The following PRSS23 variants were observed in gnomAD, a reference collection of about 807,000 sequenced individuals.
PRSS23 encodes the protein protease, serine 23.
In PRSS23, 25 loss-of-function variants were observed where a neutral mutation model predicts 34.7. The ratio of observed to expected loss-of-function variants is 0.72; its 90% CI spans 0.53 to 1.01. The LOEUF (loss-of-function observed/expected upper bound fraction) is 1.01, where lower values mean the gene tolerates loss of function less well. PRSS23 is among the 50% of genes least tolerant of loss of function. The pLI is 0.00. For missense variants in PRSS23, 445 were observed against 475.6 expected, an observed-to-expected ratio of 0.94 and a Z score of 0.60; for synonymous variants, 176 against 186.6, an observed-to-expected ratio of 0.94 and a Z score of 0.46.
In PRSS23 at chr11:86,823,444, T is replaced by C. The variant is rs527678839; in HGVS notation, c.57T>C (p.Thr19=). 196 of 702,374 alleles carry C rather than the reference T, an allele frequency of 2.8e-4. 2 individuals carry two copies. Among genetic ancestry groups the C allele is most frequent in the African/African-American group, 2.7e-3 (154 of 57,372 alleles). The allele number at this position is 702,374 out of a possible 1,614,324, so 43.5% of individuals were successfully genotyped here. ...GGCCTAGTCCTCATGCCCCCACAACTGTGAAGCGAGAGGGCTCAACAGTTT... is the reference window on the plus strand; with the variant it reads ...GGCCTAGTCCTCATGCCCCCACAACCGTGAAGCGAGAGGGCTCAACAGTTT... The change falls in exon 2 of 3, where the codon ACT becomes ACC. Residue 19 remains threonine (T), a synonymous_variant. Transcript: ENST00000533902.
chr11:86,808,880 A>T lies in PRSS23; in HGVS notation c.*85A>T. 9.1e-7 allele frequency: 1 copy of T among 1,094,930 alleles called. No individual in the cohort carries two copies. Among genetic ancestry groups the T allele is most frequent in the Non-Finnish European group, 1.3e-6 (1 of 749,776 alleles). 67.8% of individuals were successfully genotyped at this position (1,094,930 alleles called of 1,614,324 possible). A position where few individuals can be genotyped will look rare whatever the true frequency, so the allele number is the denominator to read the frequency against. On this transcript the variant is annotated 3_prime_UTR_variant, in exon 2 of 2. Coordinates refer to ENST00000280258, the MANE Select transcript of PRSS23 (RefSeq NM_007173.6). ...AAATTGTTTTTTGTCATTGGCGTGC[A>T]CACGTGTGTGTGTGTGTGTGTGTGT...
chr11:86,918,942 AGT>A (rs1210865313), intron 2 of PRSS23, among the ~76,000 whole-genome samples: 1 of 152,210 alleles, frequency 6.6e-6, no homozygotes, highest in African/African-American at 2.4e-5. Flanking sequence ...CCATGGAAGG[AGT>A]AAGGGCCTAG....
At chr11:86,899,958 A>G (rs1172233625) in intron 2 of PRSS23, among the ~76,000 whole-genome samples, 1 of 150,460 alleles carries the variant, frequency 6.6e-6, no homozygotes, top group Non-Finnish European at 1.5e-5. Context: ...GTTGTCTTTA[A>G]AAAAAAAAAT....
At chr11:86,845,713 GA>G (rs1948481428) in intron 2 of PRSS23, among the ~76,000 whole-genome samples, 1 of 151,990 alleles carries the variant, frequency 6.6e-6, no homozygotes, top group African/African-American at 2.4e-5. Flanking sequence ...TCTTCCCCAA[GA>G]AAGCTATAAA....
intron 1 of PRSS23, among the ~76,000 whole-genome samples, chr11:86,818,355 C>T (rs1392229561): frequency 2.0e-5 from 3 of 152,120 alleles, no homozygotes; most frequent in Non-Finnish European, 4.4e-5. Flanking sequence ...AGAAGTTTCT[C>T]GAGTGCCTGG....
At chr11:86,949,190 T>C (rs1435750239) in intron 2 of PRSS23, 1 of 152,164 alleles carries the variant, frequency 6.6e-6, no homozygotes, top group Non-Finnish European at 1.5e-5. Flanking sequence ...GCCAAGACTT[T>C]GCCTTCCAAA....
At chr11:86,857,691 T>C (rs527324017) in intron 2 of PRSS23, 2 of 602,524 alleles carry the variant, frequency 3.3e-6, no homozygotes, top group East Asian at 5.3e-5. Flanking sequence ...CTTCTATACA[T>C]GCAAAAAGGA....
intron 1 of PRSS23, among the ~76,000 whole-genome samples, chr11:86,802,747 A>G (rs981856816): frequency 6.6e-6 from 1 of 152,216 alleles, no homozygotes; most frequent in African/African-American, 2.4e-5. Context: ...TCTCTCAAAC[A>G]GTGGCCCTCT....
At position 86,913,963 on chromosome 11, in the gene PRSS23, C is replaced by T. The variant is rs560527703; in HGVS notation, c.207-37253C>T. On this transcript the variant is annotated intron_variant, in intron 2 of 2. Coordinates refer to the PRSS23 transcript ENST00000533902. ...CTTATGCCTGTAATCCAAATGTTTT[C>T]GGAGGCTGAGGCGGGTGGATCACCT... 2.2e-3 allele frequency among the ~76,000 whole-genome samples: 317 copies of T among 143,850 alleles called. 11 individuals are homozygous for T. The highest frequency in any genetic ancestry group is 8.2e-3 in the African/African-American group (302 of 37,008). The allele number at this position is 143,850 out of a possible 152,430, so 94.4% of individuals were successfully genotyped here.
At chr11:86,890,697 G>A (rs562776745) in intron 2 of PRSS23, among the ~76,000 whole-genome samples, 1 of 152,332 alleles carries the variant, frequency 6.6e-6, no homozygotes, top group African/African-American at 2.4e-5. Flanking sequence ...CCAGGTGGAG[G>A]TCATTAGGGG....
At chr11:86,930,662 C>T (rs534183174) in intron 2 of PRSS23, among the ~76,000 whole-genome samples, 2 of 152,066 alleles carry the variant, frequency 1.3e-5, no homozygotes, top group South Asian at 2.1e-4. Context: ...TGGTGGCGGG[C>T]GCCTGTAGTC....
exon 3 of PRSS23, chr11:86,952,646 A>C: frequency 1.6e-6 from 1 of 621,434 alleles, no homozygotes; most frequent in Admixed American, 2.7e-5. Context: ...CTGATAATCC[A>C]TCACTTACAT....
At chr11:86,876,716 A>G (rs117009884) in intron 2 of PRSS23, among the ~76,000 whole-genome samples, 2,295 of 115,928 alleles carry the variant, frequency 0.02, 19 homozygotes, top group Middle Eastern at 0.028. Flanking sequence ...GATCTATATA[A>G]CAGTTAACAT....
intron 2 of PRSS23, among the ~76,000 whole-genome samples, chr11:86,841,889 T>C (rs1948451152): frequency 6.6e-6 from 1 of 152,120 alleles, no homozygotes; most frequent in South Asian, 2.1e-4. Flanking sequence ...CTGAAACTAT[T>C]CCAATCAACA....
Position 86,807,719 on chromosome 11 carries a change from G to GC in PRSS23, c.81dup (p.Trp28LeufsTer44). On this transcript the variant is annotated frameshift_variant, in exon 2 of 2. Transcript: ENST00000280258. LOFTEE classifies it high-confidence loss of function. ...TGTTGGGCAAGTGAGCCCTTACAGT[G>GC]CCCCCTGGAAACCCACTTGGCCTGC... 6.2e-7 allele frequency: 1 copy of GC among 1,613,954 alleles called. No individual in the cohort carries two copies. Among genetic ancestry groups the GC allele is most frequent in the Non-Finnish European group, 8.5e-7 (1 of 1,179,924 alleles).
chr11:86,951,630 A>C (rs562056288), exon 3 of PRSS23: 1 of 1,614,208 alleles, frequency 6.2e-7, no homozygotes, highest in African/African-American at 1.3e-5. Flanking sequence ...ACATAGCACA[A>C]GCCAGTCAGT....
At chr11:86,815,160 A>G (rs1350517707), downstream of PRSS23, among the ~76,000 whole-genome samples, 1 of 152,238 alleles carries the variant, frequency 6.6e-6, no homozygotes, top group African/African-American at 2.4e-5. Flanking sequence ...CCGTGGGAAC[A>G]GCAGCCAGTT....
chr11:86,836,429 A>G (rs1170986634), intron 2 of PRSS23, among the ~76,000 whole-genome samples: 2 of 152,144 alleles, frequency 1.3e-5, no homozygotes, highest in African/African-American at 4.8e-5. Flanking sequence ...TGTTACACAG[A>G]CTTCAGGATT....
chr11:86,822,621 A>G (rs1203746630), intron 1 of PRSS23, among the ~76,000 whole-genome samples: 1 of 99,462 alleles, frequency 1.0e-5, no homozygotes, highest in Admixed American at 9.3e-5. Flanking sequence ...GAACCTGACT[A>G]AAAAAAAAAA....
Sources: allele counts gnomAD v4.1 joint callset (sites outside exome capture counted in the v4.1 genomes callset), GRCh38; gene constraint gnomAD v4.1.1; transcripts MANE v1.5; gene names NCBI Gene and HGNC (gene_info 2026-07-23, HGNC 2026-07-21).